CHN2: variants seen among roughly 807,000 people sequenced by gnomAD.
CHN2 encodes the protein beta-chimaerin.
A neutral mutation model predicts 56.3 loss-of-function variants in CHN2; 35 were observed. That is an observed-to-expected ratio of 0.62 (90% CI 0.47 to 0.82). The LOEUF is 0.82. Ranked by LOEUF, CHN2 falls within the 40% of genes least tolerant of loss-of-function variation. The probability of loss-of-function intolerance (pLI) is 0.00; values close to 1 mark genes in which losing one functional copy is unlikely to be tolerated. For missense variants in CHN2, 491 were observed against 580.5 expected (o/e 0.85, Z 1.58); for synonymous variants, 210 against 212.8 (o/e 0.99, Z 0.12).
intron 1 of CHN2, among the ~76,000 whole-genome samples, chr7:29,217,064 C>G (rs1785398424): frequency 6.6e-6 from 1 of 152,142 alleles, no homozygotes; most frequent in Non-Finnish European, 1.5e-5. Context: ...ATATATGCAG[C>G]ATTTTACAGA....
chr7:29,208,497 C>G (rs1200985632), intron 1 of CHN2, among the ~76,000 whole-genome samples: 1 of 152,194 alleles, frequency 6.6e-6, no homozygotes, highest in Non-Finnish European at 1.5e-5. Context: ...TCTGGCCACC[C>G]TGGGCACCCT....
At chr7:29,310,049 C>A (rs770921160) in intron 1 of CHN2, among the ~76,000 whole-genome samples, 1 of 152,216 alleles carries the variant, frequency 6.6e-6, no homozygotes, top group Non-Finnish European at 1.5e-5. Flanking sequence ...GACCAAGAAG[C>A]TGTGGCTGGA....
intron 1 of CHN2, among the ~76,000 whole-genome samples, chr7:29,349,496 C>T (rs1042278647): frequency 6.6e-6 from 1 of 152,156 alleles, no homozygotes; most frequent in African/African-American, 2.4e-5. Context: ...CAACCGCAAA[C>T]TCTCATTTTC....
At chr7:29,202,906 C>T (rs1784263450) in intron 1 of CHN2, among the ~76,000 whole-genome samples, 1 of 152,176 alleles carries the variant, frequency 6.6e-6, no homozygotes, top group Non-Finnish European at 1.5e-5. Flanking sequence ...GGGAGCGTGG[C>T]TGTTGCAGTA....
At chr7:29,510,444 C>CA (rs1390815352) in intron 12 of CHN2, among the ~76,000 whole-genome samples, 1 of 152,150 alleles carries the variant, frequency 6.6e-6, no homozygotes, top group African/African-American at 2.4e-5. Context: ...GTCTCAAGAA[C>CA]AAAAAAATTC....
rs189072494 is a variant in CHN2 at position 29,174,814 on chromosome 7, T to A, written c.274+27854T>A. Among the ~76,000 whole-genome samples the A allele has an allele frequency of 3.3e-5, 5 of 150,498 alleles. No homozygotes were observed. The East Asian group carries it at 9.8e-4, about 30-fold the overall frequency. ...GGTGGAGGTTGCAGTGAGCCAAGAT[T>A]GTGCCATCGCACTCCAGCCTGGGCA... On this transcript the variant is annotated intron_variant, in intron 2 of 6. Coordinates refer to the CHN2 transcript ENST00000439384.
chr7:29,187,310 G>A (rs191787667), intron 2 of CHN2, among the ~76,000 whole-genome samples: 350 of 152,104 alleles, frequency 2.3e-3, no homozygotes, highest in African/African-American at 7.7e-3. Context: ...CCAGATGTAA[G>A]ACATTATCAT....
At chr7:29,220,278 A>G (rs200217976) in intron 1 of CHN2, among the ~76,000 whole-genome samples, 2 of 37,752 alleles carry the variant, frequency 5.3e-5, no homozygotes, top group African/African-American at 3.0e-4. Context: ...TTAAAAAAAA[A>G]AAAGAGAGAG....
Position 29,244,416 on chromosome 7 carries a change from T to C in CHN2, c.49+49426T>C, listed in dbSNP as rs564716420. 5.9e-5 allele frequency among the ~76,000 whole-genome samples: 9 copies of C among 152,298 alleles called. No homozygotes were observed. In the South Asian group the frequency reaches 1.9e-3, roughly 32 times the overall value. On this transcript the variant is annotated intron_variant, in intron 1 of 12. Coordinates refer to ENST00000222792, the MANE Select transcript of CHN2 (RefSeq NM_004067.4). ...CCTCAGTCATTTCTGCTATTCTCTG[T>C]GGGAATTTCAAAGCAAGCATTTTTG...
At chr7:29,410,217 T>C (rs564815402) in intron 6 of CHN2, among the ~76,000 whole-genome samples, 6 of 152,228 alleles carry the variant, frequency 3.9e-5, no homozygotes, top group Admixed American at 1.3e-4. Context: ...GGGTAGTGTC[T>C]TGTTTATATT....
Position 29,147,558 on chromosome 7 carries a change from G to A in CHN2, c.274+598G>A, listed in dbSNP as rs1792931013. 2.0e-5 allele frequency among the ~76,000 whole-genome samples: 3 copies of A among 152,354 alleles called. No homozygotes were observed. In the South Asian group the frequency reaches 6.2e-4, roughly 32 times the overall value. On this transcript the variant is annotated intron_variant, in intron 2 of 6. Transcript: ENST00000439384. ...TAAGTACCTACTTTATTGGGTTGTT[G>A]TGAGGACTCACTGAAAAACTATGTG...
At chr7:29,456,743 C>T (rs1217037224) in intron 6 of CHN2, among the ~76,000 whole-genome samples, 2 of 152,014 alleles carry the variant, frequency 1.3e-5, no homozygotes, top group Non-Finnish European at 2.9e-5. Flanking sequence ...TCTGAGGACA[C>T]TTTTGAGAAG....
chr7:29,209,900 G>A (rs1425293026), intron 1 of CHN2, among the ~76,000 whole-genome samples: 2 of 152,122 alleles, frequency 1.3e-5, no homozygotes, highest in Non-Finnish European at 2.9e-5. Flanking sequence ...GCAGATTCCT[G>A]TTTTTCAGTT....
chr7:29,422,363 C>T (rs985333065), intron 6 of CHN2, among the ~76,000 whole-genome samples: 1 of 152,200 alleles, frequency 6.6e-6, no homozygotes, highest in Non-Finnish European at 1.5e-5. Context: ...ATTCCAGCCA[C>T]TGGTATACTA....
chr7:29,368,119 A>G (rs993198065), intron 3 of CHN2, 132 bp downstream of exon 3: 7 of 574,288 alleles, frequency 1.2e-5, no homozygotes, highest in Middle Eastern at 2.7e-4. Flanking sequence ...CAAAAAATTT[A>G]ACATCTTCAT....
At chr7:29,259,507 T>C (rs925615321) in intron 1 of CHN2, among the ~76,000 whole-genome samples, 1 of 152,092 alleles carries the variant, frequency 6.6e-6, no homozygotes, top group African/African-American at 2.4e-5. Context: ...TGTGTGTGTG[T>C]ATATTCATTA....
intron 1 of CHN2, among the ~76,000 whole-genome samples, chr7:29,275,134 A>G (rs1301857109): frequency 6.6e-6 from 1 of 152,168 alleles, no homozygotes; most frequent in Non-Finnish European, 1.5e-5. Flanking sequence ...TCACCTGTAA[A>G]ATGGGTATAG....
At chr7:29,468,009 G>A (rs1785677742) in intron 6 of CHN2, among the ~76,000 whole-genome samples, 1 of 151,990 alleles carries the variant, frequency 6.6e-6, no homozygotes, top group East Asian at 1.9e-4. Context: ...TTTGCAGCAT[G>A]GGTCTTGGGT....
intron 3 of CHN2, among the ~76,000 whole-genome samples, chr7:29,385,795 G>C (rs1562565986): frequency 6.6e-6 from 1 of 152,108 alleles, no homozygotes; most frequent in African/African-American, 2.4e-5. Context: ...CATAATTTCT[G>C]GAAAATTTTG....
Sources: allele counts gnomAD v4.1 joint callset (sites outside exome capture counted in the v4.1 genomes callset), GRCh38; gene constraint gnomAD v4.1.1; transcripts MANE v1.5; gene names NCBI Gene and HGNC (gene_info 2026-07-23, HGNC 2026-07-21).